ZNF793: variants seen among roughly 807,000 people sequenced by gnomAD.
ZNF793 encodes the protein zinc finger protein 793.
Under a neutral mutation model 12.4 loss-of-function variants are expected in ZNF793, and 5 were observed. The observed-to-expected ratio is 0.40, with a 90% CI of 0.21 to 0.84. The LOEUF is 0.84. Ranked by LOEUF, ZNF793 falls within the 40% of genes least tolerant of loss-of-function variation. The probability of loss-of-function intolerance (pLI) is 0.35; values close to 1 mark genes in which losing one functional copy is unlikely to be tolerated. For synonymous variants in ZNF793, 162 were observed against 172.4 expected, an observed-to-expected ratio of 0.94 and a Z score of 0.47; for missense variants, 456 against 495.0, an observed-to-expected ratio of 0.92 and a Z score of 0.75.
chr19:37,516,926 A>G (rs62110440), intron 2 of ZNF793, among the ~76,000 whole-genome samples: 7 of 151,878 alleles, frequency 4.6e-5, no homozygotes, highest in African/African-American at 1.4e-4. Flanking sequence ...GATTACAGGC[A>G]TGAGCCACTG....
chr19:37,513,898 A>T (rs553226753), intron 2 of ZNF793, among the ~76,000 whole-genome samples: 2 of 152,318 alleles, frequency 1.3e-5, no homozygotes, highest in South Asian at 4.1e-4. Flanking sequence ...TCTTGATGAA[A>T]CATTCAGTCA....
rs1249168034 is a variant in ZNF793, at chr19:37,539,446, C to T, written c.*1567C>T. 6.6e-6 allele frequency: 1 copy of T among 152,086 alleles called. No homozygotes were observed. Among genetic ancestry groups the T allele is most frequent in the Non-Finnish European group, 1.5e-5 (1 of 68,012 alleles). The allele number at this position is 152,086 out of a possible 1,614,324, so 9.4% of individuals were successfully genotyped here. A position where few individuals can be genotyped will look rare whatever the true frequency, so the allele number is the denominator to read the frequency against. ...TATTCATTTTTTTCATATAAATTTC[C>T]TTGCAAGTGTCCTAGACACTAAATC... On this transcript the variant is annotated 3_prime_UTR_variant, in exon 8 of 8. Transcript: ENST00000627814.
chr19:37,536,985 C>G lies in ZNF793; in HGVS notation c.327C>G (p.Pro109=), dbSNP rs1164251135. The G allele has an allele frequency of 3.1e-6, 5 of 1,613,860 alleles. No individual in the cohort carries two copies. Among genetic ancestry groups the G allele is most frequent in the Non-Finnish European group, 4.2e-6 (5 of 1,179,854 alleles). The change falls in exon 8 of 8, where the codon CCC becomes CCG. Residue 109 remains proline, a synonymous_variant. Transcript: ENST00000627814. The stretch of plus-strand genomic sequence containing the variant: ...CAGCCATAAGCAAGAAAACATTGCC[C>G]AAGGAGAAAAGCTGTGAATATAATA... ...PGAAISKKTL[P]KEKSCEYNKF... is the part of the protein sequence containing the mutation.
intron 5 of ZNF793, among the ~76,000 whole-genome samples, chr19:37,527,066 G>C (rs1184968815): frequency 6.6e-6 from 1 of 152,160 alleles, no homozygotes; most frequent in African/African-American, 2.4e-5. Context: ...TCCTGCCTCA[G>C]CCTCCTGAGT....
intron 5 of ZNF793, 89 bp downstream of exon 5, chr19:37,523,543 T>A: frequency 1.6e-6 from 2 of 1,272,914 alleles, no homozygotes; most frequent in Non-Finnish European, 2.3e-6. Flanking sequence ...TATGTACAGT[T>A]TGTACATACA....
intron 1 of ZNF793, 108 bp downstream of exon 1, chr19:37,507,074 G>C (rs2042254945): frequency 6.6e-6 from 1 of 152,324 alleles, no homozygotes; most frequent in African/African-American, 2.4e-5. Flanking sequence ...GTGGAGGATA[G>C]TGAGCTGCCG....
rs749691796 is a variant in ZNF793 at position 37,537,823 on chromosome 19, C to T, written c.1165C>T (p.His389Tyr). ...AAACCTCAGCAGACATCAGAAAATT[C>T]ATGCTCGGAAGAATGCCTACAGGAA... ...KPNLSRHQKI[H>Y]ARKNAYRNEN... Residue 389 changes from histidine to tyrosine, a missense_variant, in exon 8 of 8, where the codon CAT (histidine) becomes TAT (tyrosine). By Grantham distance (83) the His-to-Tyr change is moderately conservative (BLOSUM62 2). Transcript: ENST00000627814. 1 of 1,613,168 alleles carries T rather than the reference C, an allele frequency of 6.2e-7. No homozygotes were observed. Among genetic ancestry groups the T allele is most frequent in the African/African-American group, 1.3e-5 (1 of 74,960 alleles).
intron 1 of ZNF793, among the ~76,000 whole-genome samples, chr19:37,507,835 C>T (rs1479814429): frequency 6.6e-6 from 1 of 152,152 alleles, no homozygotes; most frequent in East Asian, 1.9e-4. Flanking sequence ...CCTGTAGTCT[C>T]TCCTGGTCAG....
At chr19:37,507,840 G>A (rs1033316011) in intron 1 of ZNF793, among the ~76,000 whole-genome samples, 1 of 152,124 alleles carries the variant, frequency 6.6e-6, no homozygotes, top group African/African-American at 2.4e-5. Flanking sequence ...AGTCTCTCCT[G>A]GTCAGATTTG....
chr19:37,526,495 C>T (rs1439640779), intron 5 of ZNF793, among the ~76,000 whole-genome samples: 1 of 152,178 alleles, frequency 6.6e-6, no homozygotes, highest in Non-Finnish European at 1.5e-5. Flanking sequence ...GTATCTTTTC[C>T]TGGGAAATAT....
chr19:37,510,666 A>C (rs922490498), intron 2 of ZNF793, among the ~76,000 whole-genome samples: 5 of 150,742 alleles, frequency 3.3e-5, no homozygotes, highest in Non-Finnish European at 5.9e-5. Flanking sequence ...CCTGGGTGAC[A>C]GAGTGAGACC....
chr19:37,538,197 G>C lies in ZNF793; in HGVS notation c.*318G>C, dbSNP rs1355327415. ...CCCAAAGTGCTGGGATTACAGGCGTGAGCCACCGCGCCTGGCCGGTATGTA... is the reference window on the plus strand; with the variant it reads ...CCCAAAGTGCTGGGATTACAGGCGTCAGCCACCGCGCCTGGCCGGTATGTA... On this transcript the variant is annotated 3_prime_UTR_variant, in exon 8 of 8. Coordinates refer to ENST00000627814, the MANE Select transcript of ZNF793 (RefSeq NM_001013659.3). 9 of 232,650 alleles carry C rather than the reference G, an allele frequency of 3.9e-5. No individual in the cohort carries two copies. Among genetic ancestry groups the C allele is most frequent in the Admixed American group, 3.5e-4 (7 of 19,824 alleles). 14.4% of individuals were successfully genotyped at this position (232,650 alleles called of 1,614,324 possible).
At position 37,537,577 on chromosome 19, in the gene ZNF793, G is replaced by A; in HGVS notation, c.919G>A (p.Gly307Arg). 1 of 1,614,140 alleles carries A rather than the reference G, an allele frequency of 6.2e-7. No homozygotes were observed. ...CACAGAACATCAGAGAACACACACAGGAGAGAGACCCTTTGTCTGCAGTGA... is the reference window on the plus strand; with the variant it reads ...CACAGAACATCAGAGAACACACACAAGAGAGAGACCCTTTGTCTGCAGTGA... ...HRTEHQRTHT[G>R]ERPFVCSECG... The change falls in exon 8 of 8, where the codon GGA becomes AGA. Residue 307 changes from glycine to arginine, a missense_variant. By Grantham distance (125) the Gly-to-Arg change is moderately radical (BLOSUM62 -2). Coordinates refer to ENST00000627814, the MANE Select transcript of ZNF793 (RefSeq NM_001013659.3).
intron 7 of ZNF793, chr19:37,534,040 CTG>C (rs747900650): frequency 6.5e-6 from 1 of 153,008 alleles, no homozygotes; most frequent in Non-Finnish European, 1.5e-5. Flanking sequence ...CTCCATTAAA[CTG>C]TGCTCTTCAG....
intron 7 of ZNF793, chr19:37,534,591 G>GCCTTTACCACTCACTC (rs2042489479): frequency 6.6e-6 from 1 of 151,878 alleles, no homozygotes; most frequent in Non-Finnish European, 1.5e-5. Flanking sequence ...TGAATCTTCT[G>GCCTTTACCACTCACTC]CCTTTACCAC....
At chr19:37,523,574 T>C in intron 5 of ZNF793, 120 bp downstream of exon 5, 1 of 928,938 alleles carries the variant, frequency 1.1e-6, no homozygotes, top group Non-Finnish European at 1.7e-6. Context: ...TCAGGGAAGC[T>C]GACTCATAGA....
Position 37,532,429 on chromosome 19 carries a change from G to A in ZNF793, c.89G>A (p.Arg30Lys). The stretch of plus-strand genomic sequence containing the variant: ...TGGCACCGGCTGAGTCCTGCTCAGA[G>A]GGCCCTGTACCGGGATGTGATGCTG... ...EEWHRLSPAQ[R>K]ALYRDVMLET... Residue 30 changes from arginine (R) to lysine (K), a missense_variant, in exon 6 of 8, where the codon AGG (arginine) becomes AAG (lysine). By Grantham distance (26) the Arg-to-Lys change is conservative. Coordinates refer to ENST00000627814, the MANE Select transcript of ZNF793 (RefSeq NM_001013659.3). 2 of 1,614,062 alleles carry A rather than the reference G, an allele frequency of 1.2e-6. No individual in the cohort carries two copies.
chr19:37,515,367 G>A (rs2042323189), intron 2 of ZNF793, among the ~76,000 whole-genome samples: 3 of 151,440 alleles, frequency 2.0e-5, no homozygotes, highest in African/African-American at 7.3e-5. Flanking sequence ...GAGTGCAGTG[G>A]CGCAATCTCA....
At chr19:37,525,700 C>T (rs7259321) in intron 5 of ZNF793, among the ~76,000 whole-genome samples, 10,327 of 151,966 alleles carry the variant, frequency 0.068, 459 homozygotes, top group African/African-American at 0.13. Context: ...GGATTACAGG[C>T]GTGAGCCACC....
Sources: gnomAD v4.1 joint callset for allele counts (sites outside exome capture counted in the v4.1 genomes callset) on GRCh38, gnomAD v4.1.1 for gene constraint, MANE v1.5 for transcripts, NCBI Gene and HGNC (gene_info 2026-07-23, HGNC 2026-07-21) for gene names.